The following PRUNE1 variants were observed in gnomAD, a reference collection of about 807,000 sequenced individuals.
The protein encoded by PRUNE1 is prune exopolyphosphatase 1.
Under a neutral mutation model 42.5 loss-of-function variants are expected in PRUNE1, and 25 were observed. That is an observed-to-expected ratio of 0.59 (90% CI 0.43 to 0.82). The LOEUF is 0.82. Among genes scored for constraint, PRUNE1 ranks in the 40% least tolerant of loss-of-function variants. PRUNE1 has a pLI of 0.00. For missense variants in PRUNE1, 443 were observed against 539.3 expected (o/e 0.82, Z 1.77); for synonymous variants, 203 against 217.1 (o/e 0.93, Z 0.57).
chr1:151,009,174 G>A (rs1673580695), intron 1 of PRUNE1, among the ~76,000 whole-genome samples: 1 of 152,184 alleles, frequency 6.6e-6, no homozygotes. Flanking sequence ...GTTTCTGTCT[G>A]GCGGGCTGAA....
intron 7 of PRUNE1, among the ~76,000 whole-genome samples, chr1:151,032,955 G>A (rs977547413): frequency 4.0e-5 from 6 of 151,328 alleles, no homozygotes; most frequent in African/African-American, 9.7e-5. Flanking sequence ...TGTATTTTTC[G>A]TAGAGATGGG....
chr1:151,024,449 C>T (rs780689633), intron 3 of PRUNE1, among the ~76,000 whole-genome samples, 162 bp from the exon 4 acceptor site: 5 of 151,916 alleles, frequency 3.3e-5, no homozygotes, highest in Non-Finnish European at 5.9e-5. Flanking sequence ...GAGCCAAGAA[C>T]GCACCATTGC....
chr1:151,033,298 T>C (rs1263050667), intron 7 of PRUNE1, among the ~76,000 whole-genome samples: 1 of 150,744 alleles, frequency 6.6e-6, no homozygotes, highest in Non-Finnish European at 1.5e-5. Context: ...ATGGTCAGGC[T>C]GGTCTCAAAC....
intron 1 of PRUNE1, among the ~76,000 whole-genome samples, chr1:151,014,483 C>G (rs1375256374): frequency 6.6e-6 from 1 of 152,172 alleles, no homozygotes; most frequent in African/African-American, 2.4e-5. Flanking sequence ...ATTGATACCA[C>G]CAGAAGTCTT....
In PRUNE1 at chr1:151,027,078, G is replaced by A. The variant is rs946088596; in HGVS notation, c.680-155G>A. Among the ~76,000 whole-genome samples, 7 of 152,060 alleles carry A rather than the reference G, an allele frequency of 4.6e-5. No homozygotes were observed. In the South Asian group the frequency reaches 6.2e-4, roughly 14 times the overall value. ...TGGGATTACAGGCCTGAGTCACCGC[G>A]CCCGGCTATGATTACATTTTCAATT... On this transcript the variant is annotated intron_variant, in intron 5 of 7. Coordinates refer to ENST00000271620, the MANE Select transcript of PRUNE1 (RefSeq NM_021222.3).
At position 151,024,715 on chromosome 1, in the gene PRUNE1, C is replaced by T. The variant is rs1674714066; in HGVS notation, c.440C>T (p.Ser147Phe). 1 of 1,613,964 alleles carries T rather than the reference C, an allele frequency of 6.2e-7. No individual in the cohort carries two copies. Among genetic ancestry groups the T allele is most frequent in the African/African-American group, 1.3e-5 (1 of 74,880 alleles). The change falls in exon 4 of 8, where the codon TCC becomes TTC. Residue 147 changes from serine (S) to phenylalanine (F), a missense_variant. Coordinates refer to ENST00000271620, the MANE Select transcript of PRUNE1 (RefSeq NM_021222.3). ...PCHVSVELVG[S>F]CATLVTERIL... ...CATGTTTCAGTTGAGCTGGTGGGGT[C>T]CTGTGCTACCCTGGTGACCGAGAGA...
chr1:151,014,350 G>A (rs148696724), intron 1 of PRUNE1, among the ~76,000 whole-genome samples: 2,259 of 152,266 alleles, frequency 0.015, 52 homozygotes, highest in African/African-American at 0.049. Context: ...TTCTTTAGGG[G>A]CCCTTTGGGC....
At chr1:151,017,604 C>T (rs1374859950) in intron 1 of PRUNE1, among the ~76,000 whole-genome samples, 2 of 151,996 alleles carry the variant, frequency 1.3e-5, no homozygotes, top group African/African-American at 4.8e-5. Flanking sequence ...GGCATGGTGG[C>T]GCTTTCCTGT....
chr1:151,024,917 A>G, intron 4 of PRUNE1, 122 bp downstream of exon 4: 1 of 1,014,196 alleles, frequency 9.9e-7, no homozygotes. Flanking sequence ...AGCTCATACC[A>G]AAAGATAGGA....
intron 5 of PRUNE1, among the ~76,000 whole-genome samples, chr1:151,026,324 GGTGT>G (rs1221611924): frequency 2.6e-5 from 4 of 151,938 alleles, no homozygotes; most frequent in African/African-American, 9.7e-5. Flanking sequence ...TGAGCGTGGT[GGTGT>G]GTGCCTGTAA....
At chr1:151,013,691 T>C (rs1487164427) in intron 1 of PRUNE1, among the ~76,000 whole-genome samples, 1 of 152,094 alleles carries the variant, frequency 6.6e-6, no homozygotes, top group Non-Finnish European at 1.5e-5. Context: ...ATATGCCTCA[T>C]GTTTATATAG....
At chr1:151,027,067 T>TA (rs1281306491) in intron 5 of PRUNE1, among the ~76,000 whole-genome samples, 166 bp from the exon 6 acceptor site, 1 of 152,066 alleles carries the variant, frequency 6.6e-6, no homozygotes, top group African/African-American at 2.4e-5. Flanking sequence ...ATTACAGGCC[T>TA]GAGTCACCGC....
intron 1 of PRUNE1, among the ~76,000 whole-genome samples, chr1:151,010,898 T>C (rs1355606810): frequency 6.6e-6 from 1 of 152,154 alleles, no homozygotes; most frequent in East Asian, 1.9e-4. Context: ...TCAAGTGATA[T>C]GCCTGCCTTG....
At chr1:151,027,469 A>G (rs1337679509) in intron 6 of PRUNE1, 142 bp downstream of exon 6, 1 of 629,100 alleles carries the variant, frequency 1.6e-6, no homozygotes, top group African/African-American at 1.8e-5. Flanking sequence ...TGTGACCACC[A>G]GAGTCCAGCA....
chr1:151,017,705 G>A (rs1454125043), intron 1 of PRUNE1, 107 bp from the exon 2 acceptor site: 2 of 590,754 alleles, frequency 3.4e-6, no homozygotes, highest in Non-Finnish European at 5.3e-6. Flanking sequence ...CAGCCTGGGC[G>A]ACAGAGTGAG....
At chr1:151,023,392 C>T (rs1015241319) in intron 3 of PRUNE1, among the ~76,000 whole-genome samples, 18 of 152,114 alleles carry the variant, frequency 1.2e-4, no homozygotes, top group Admixed American at 1.2e-3. Flanking sequence ...CCTGGTGACC[C>T]ACATGGAATC....
intron 1 of PRUNE1, 143 bp downstream of exon 1, chr1:151,008,814 G>C: frequency 9.5e-7 from 1 of 1,052,180 alleles, no homozygotes; most frequent in South Asian, 1.3e-5. Context: ...GATCAGTTTT[G>C]GGGCATGAGG....
chr1:151,013,295 A>T (rs980623637), intron 1 of PRUNE1, among the ~76,000 whole-genome samples: 2 of 152,152 alleles, frequency 1.3e-5, no homozygotes, highest in African/African-American at 4.8e-5. Flanking sequence ...GACAGGGGAG[A>T]GGAATGCTGC....
intron 3 of PRUNE1, among the ~76,000 whole-genome samples, chr1:151,021,822 G>A (rs1416628326): frequency 2.1e-5 from 3 of 142,960 alleles, no homozygotes; most frequent in African/African-American, 8.3e-5. Context: ...GGATAATTTT[G>A]TGTGTGTGTG....
Sources: allele counts gnomAD v4.1 joint callset (sites outside exome capture counted in the v4.1 genomes callset), GRCh38; gene constraint gnomAD v4.1.1; transcripts MANE v1.5; gene names NCBI Gene and HGNC (gene_info 2026-07-23, HGNC 2026-07-21).